Variants in CSMD3 observed in about 807,000 individuals in gnomAD.
CSMD3 encodes CUB and sushi domain-containing protein 3.
In CSMD3, 177 loss-of-function variants were observed where a neutral mutation model predicts 435.2. The observed-to-expected ratio is 0.41, with a 90% CI of 0.36 to 0.46. The LOEUF (loss-of-function observed/expected upper bound fraction) is 0.46, where lower values mean the gene tolerates loss of function less well. Ranked by LOEUF, CSMD3 falls within the 20% of genes least tolerant of loss-of-function variation. The pLI, the probability that CSMD3 is intolerant of heterozygous loss-of-function variation, is 0.34. For missense variants in CSMD3, 4,265 were observed against 4,504.6 expected (o/e 0.95, Z 1.52); for synonymous variants, 1,656 against 1,520.5 (o/e 1.09, Z -2.07).
At chr8:112,304,114 C>G (rs1391444805) in intron 52 of CSMD3, among the ~76,000 whole-genome samples, 1 of 152,008 alleles carries the variant, frequency 6.6e-6, no homozygotes. Flanking sequence ...CAATTTGGTT[C>G]AATAATATTT....
At chr8:112,262,775 A>C (rs139960770) in intron 61 of CSMD3, among the ~76,000 whole-genome samples, 188 of 152,236 alleles carry the variant, frequency 1.2e-3, no homozygotes, top group African/African-American at 4.4e-3. Flanking sequence ...TGAAGGGGTG[A>C]GTAGTAAGAT....
rs2131580294 is a variant in CSMD3 at position 112,636,816 on chromosome 8, C to T, written c.3715+1G>A. On this transcript the variant is annotated splice_donor_variant, in intron 22 of 70. Coordinates refer to ENST00000297405, the MANE Select transcript of CSMD3 (RefSeq NM_198123.2). LOFTEE classifies it high-confidence loss of function. ...GCAAATGAAAGCAGCTGACCACGTA[C>T]CCACACACCTTGGCAGAGGTGCACT... 1.2e-6 allele frequency: 2 copies of T among 1,612,436 alleles called. No homozygotes were observed. The highest frequency in any genetic ancestry group is 1.7e-6 in the Non-Finnish European group (2 of 1,178,840).
intron 22 of CSMD3, among the ~76,000 whole-genome samples, chr8:112,624,389 G>A (rs1320439080): frequency 2.0e-5 from 3 of 151,906 alleles, no homozygotes; most frequent in Non-Finnish European, 4.4e-5. Flanking sequence ...ACTATATAAT[G>A]TCCACTGAAG....
At chr8:112,409,117 A>C in intron 32 of CSMD3, 85 bp from the exon 33 acceptor site, 1 of 1,595,896 alleles carries the variant, frequency 6.3e-7, no homozygotes, top group Non-Finnish European at 8.5e-7. Context: ...AAAGAGGAGG[A>C]GAGAGAGAAC....
At chr8:112,505,094 G>A (rs1258946742) in intron 29 of CSMD3, among the ~76,000 whole-genome samples, 1 of 152,150 alleles carries the variant, frequency 6.6e-6, no homozygotes, top group Non-Finnish European at 1.5e-5. Context: ...AGAAAGAAGA[G>A]TCCAGCTGCT....
chr8:112,390,587 T>C, intron 36 of CSMD3, 77 bp downstream of exon 36: 1 of 1,222,374 alleles, frequency 8.2e-7, no homozygotes, highest in Non-Finnish European at 1.2e-6. Flanking sequence ...CTTTTAGAAA[T>C]AATGTTCATT....
chr8:112,976,691 T>C (rs1472758973), intron 6 of CSMD3, among the ~76,000 whole-genome samples: 1 of 152,146 alleles, frequency 6.6e-6, no homozygotes, highest in Non-Finnish European at 1.5e-5. Flanking sequence ...AACCACTATA[T>C]GAAAATGTGT....
intron 13 of CSMD3, among the ~76,000 whole-genome samples, chr8:112,786,573 A>C (rs2132269946): frequency 6.6e-6 from 1 of 152,124 alleles, no homozygotes; most frequent in Non-Finnish European, 1.5e-5. Context: ...AAAAAAAACC[A>C]ATAATCTGAA....
intron 2 of CSMD3, among the ~76,000 whole-genome samples, chr8:113,288,018 C>A (rs1428686114): frequency 1.3e-5 from 2 of 151,854 alleles, no homozygotes; most frequent in Non-Finnish European, 2.9e-5. Context: ...CAAATAATTT[C>A]AAAGTAGGTT....
chr8:113,072,617 A>G (rs2089173849), intron 5 of CSMD3, among the ~76,000 whole-genome samples: 1 of 151,780 alleles, frequency 6.6e-6, no homozygotes, highest in Non-Finnish European at 1.5e-5. Flanking sequence ...TCTACCAACA[A>G]TTTCCCTTTT....
chr8:113,165,956 G>A (rs1327442317), intron 4 of CSMD3, among the ~76,000 whole-genome samples: 1 of 152,080 alleles, frequency 6.6e-6, no homozygotes, highest in Non-Finnish European at 1.5e-5. Context: ...ATAAGAACAG[G>A]AAGCTTTGAT....
At chr8:112,455,421 G>A (rs1209385937) in intron 32 of CSMD3, among the ~76,000 whole-genome samples, 1 of 151,818 alleles carries the variant, frequency 6.6e-6, no homozygotes, top group East Asian at 1.9e-4. Context: ...GGAACAAAGA[G>A]GAAGAGAAGC....
chr8:113,342,574 T>C (rs1436117299), intron 1 of CSMD3, among the ~76,000 whole-genome samples: 2 of 152,148 alleles, frequency 1.3e-5, no homozygotes, highest in Admixed American at 6.6e-5. Flanking sequence ...AAGTAAAATT[T>C]GTACCCTAGA....
At chr8:112,594,716 C>T (rs185375424) in intron 22 of CSMD3, among the ~76,000 whole-genome samples, 26 of 152,272 alleles carry the variant, frequency 1.7e-4, no homozygotes, top group African/African-American at 6.0e-4. Context: ...CCTGACCCCC[C>T]GAGCAGCCTA....
chr8:113,029,823 A>C (rs1040594023), intron 5 of CSMD3, among the ~76,000 whole-genome samples: 3 of 151,590 alleles, frequency 2.0e-5, no homozygotes, highest in Non-Finnish European at 4.4e-5. Context: ...ATCAGTAAAA[A>C]GGAAGTCAAA....
At chr8:112,370,879 C>A (rs555467633) in intron 38 of CSMD3, among the ~76,000 whole-genome samples, 1 of 152,210 alleles carries the variant, frequency 6.6e-6, no homozygotes, top group South Asian at 2.1e-4. Context: ...GGGAACAATG[C>A]CTGACACACA....
At chr8:113,407,818 G>A (rs967042522) in intron 1 of CSMD3, among the ~76,000 whole-genome samples, 5 of 152,024 alleles carry the variant, frequency 3.3e-5, no homozygotes, top group African/African-American at 4.8e-5. Context: ...GAACATTCAG[G>A]ATATATTGGT....
chr8:112,966,576 A>T (rs1252980711), intron 7 of CSMD3, among the ~76,000 whole-genome samples: 1 of 151,052 alleles, frequency 6.6e-6, no homozygotes, highest in Non-Finnish European at 1.5e-5. Flanking sequence ...ACCCTGATGT[A>T]TTTTTCTCTT....
intron 27 of CSMD3, among the ~76,000 whole-genome samples, chr8:112,524,943 G>A (rs549310563): frequency 1.4e-4 from 22 of 151,740 alleles, no homozygotes; most frequent in South Asian, 6.2e-4. Context: ...TTTTTCTAAA[G>A]AATGTGTTTT....
Sources: allele counts gnomAD v4.1 joint callset (sites outside exome capture counted in the v4.1 genomes callset), GRCh38; gene constraint gnomAD v4.1.1; transcripts MANE v1.5; gene names NCBI Gene and HGNC (gene_info 2026-07-23, HGNC 2026-07-21).